Variants in CLSTN2 observed in about 807,000 individuals in gnomAD.
The protein encoded by CLSTN2 is calsyntenin-2.
CLSTN2 carries 48 observed loss-of-function variants against 101.2 expected under a neutral mutation model. The ratio of observed to expected loss-of-function variants is 0.47; its 90% CI spans 0.38 to 0.60. The LOEUF is 0.60. Ranked by LOEUF, CLSTN2 falls within the 20% of genes least tolerant of loss-of-function variation. CLSTN2 has a pLI of 0.00. For missense variants in CLSTN2, 1,160 were observed against 1,238.2 expected, an observed-to-expected ratio of 0.94 and a Z score of 0.95; for synonymous variants, 481 against 463.6, an observed-to-expected ratio of 1.04 and a Z score of -0.48.
chr3:140,264,497 G>A (rs1465615337), intron 2 of CLSTN2, among the ~76,000 whole-genome samples: 5 of 143,360 alleles, frequency 3.5e-5, no homozygotes, highest in Admixed American at 7.2e-5. Flanking sequence ...TATAATGATC[G>A]GTTGACAAAA....
intron 1 of CLSTN2, among the ~76,000 whole-genome samples, chr3:140,003,765 T>A (rs2006896494): frequency 1.3e-5 from 2 of 152,230 alleles, no homozygotes; most frequent in Admixed American, 6.5e-5. Flanking sequence ...AAATACTTTT[T>A]TAGCATCAAT....
At chr3:140,433,727 C>G (rs2088660663) in intron 5 of CLSTN2, among the ~76,000 whole-genome samples, 2 of 152,166 alleles carry the variant, frequency 1.3e-5, no homozygotes, top group African/African-American at 4.8e-5. Flanking sequence ...TGTCACAAGG[C>G]AGAACTGTGT....
intron 1 of CLSTN2, among the ~76,000 whole-genome samples, chr3:140,121,610 G>C (rs2009342364): frequency 6.6e-6 from 1 of 152,202 alleles, no homozygotes; most frequent in South Asian, 2.1e-4. Context: ...TCAAGTCCCA[G>C]AAACAAGGAC....
Position 140,241,846 on chromosome 3 carries a change from T to C in CLSTN2, c.232+65773T>C, listed in dbSNP as rs1220199796. On this transcript the variant is annotated intron_variant, in intron 2 of 16. Transcript: ENST00000458420. ...ATATACACACACATATATATATACATATATATATACACATATATATACACA... is the reference window on the plus strand; with the variant it reads ...ATATACACACACATATATATATACACATATATATACACATATATATACACA... Among the ~76,000 whole-genome samples, 14 of 143,394 alleles carry C rather than the reference T, an allele frequency of 9.8e-5. No individual in the cohort carries two copies. The East Asian group carries it at 2.0e-3, about 20-fold the overall frequency. The allele number at this position is 143,394 out of a possible 152,430, so 94.1% of individuals were successfully genotyped here.
At chr3:140,513,300 G>A (rs915420568) in intron 8 of CLSTN2, among the ~76,000 whole-genome samples, 10 of 152,120 alleles carry the variant, frequency 6.6e-5, no homozygotes, top group African/African-American at 2.4e-4. Flanking sequence ...CTAGTTTATT[G>A]AGAGTTTTTA....
At chr3:140,014,375 T>C (rs896523057) in intron 1 of CLSTN2, among the ~76,000 whole-genome samples, 22 of 152,134 alleles carry the variant, frequency 1.4e-4, no homozygotes, top group South Asian at 6.2e-4. Context: ...CATGCTACCA[T>C]GCCTGGCAAA....
intron 8 of CLSTN2, among the ~76,000 whole-genome samples, chr3:140,491,699 A>G (rs556189147): frequency 1.1e-3 from 164 of 152,180 alleles, no homozygotes; most frequent in African/African-American, 3.9e-3. Context: ...CTACACATCT[A>G]TAGTCCCAGC....
intron 8 of CLSTN2, chr3:140,506,186 A>AAATT (rs1367232325): frequency 6.6e-6 from 1 of 152,130 alleles, no homozygotes; most frequent in Non-Finnish European, 1.5e-5. Context: ...ATGAAAGGAG[A>AAATT]AATTAAGCAT....
At chr3:140,271,370 G>A (rs958152066) in intron 2 of CLSTN2, among the ~76,000 whole-genome samples, 96 of 152,278 alleles carry the variant, frequency 6.3e-4, no homozygotes, top group African/African-American at 2.3e-3. Flanking sequence ...CTGTTTAGCT[G>A]TTATAACAAT....
chr3:140,110,715 AGG>A (rs149789534), intron 1 of CLSTN2, among the ~76,000 whole-genome samples: 8,543 of 152,244 alleles, frequency 0.056, 286 homozygotes, highest in East Asian at 0.075. Context: ...CAGGTAGGGA[AGG>A]GCTTGCTTTT....
chr3:139,989,846 C>A (rs1463307839), intron 1 of CLSTN2, among the ~76,000 whole-genome samples: 1 of 152,178 alleles, frequency 6.6e-6, no homozygotes, highest in East Asian at 1.9e-4. Flanking sequence ...TTCACAGCAA[C>A]AATGCAATCT....
rs146707011 is a variant in CLSTN2, at chr3:140,531,052, A to G, written c.1345-1272A>G. Among the ~76,000 whole-genome samples the G allele has an allele frequency of 3.3e-3, 501 of 152,164 alleles. 4 individuals are homozygous for G. The highest frequency in any genetic ancestry group is 0.011 in the African/African-American group (461 of 41,516). ...TCAGGTCTGCCTGTGTGCCACCTGT[A>G]TGTCTTGGGGTCACCCCACCCCAAT... On this transcript the variant is annotated intron_variant, in intron 8 of 16. Coordinates refer to ENST00000458420, the MANE Select transcript of CLSTN2 (RefSeq NM_022131.3).
intron 1 of CLSTN2, among the ~76,000 whole-genome samples, chr3:140,162,776 G>T (rs2010069144): frequency 6.6e-6 from 1 of 152,158 alleles, no homozygotes; most frequent in South Asian, 2.1e-4. Context: ...GCATGGAGAA[G>T]CAGGCAAGCA....
At chr3:140,385,357 CTTTTTTTTTTTTTTTTT>C (rs546696189) in intron 2 of CLSTN2, among the ~76,000 whole-genome samples, 1 of 72,838 alleles carries the variant, frequency 1.4e-5, no homozygotes, top group South Asian at 5.6e-4. Context: ...CCCTGATGTT[CTTTTTTTTTTTTTTTTT>C]TTTTTTTTTT....
chr3:140,254,766 C>G (rs2086591360), intron 2 of CLSTN2, among the ~76,000 whole-genome samples: 1 of 152,058 alleles, frequency 6.6e-6, no homozygotes, highest in South Asian at 2.1e-4. Context: ...GACCTCAGTC[C>G]TGGAAAAATT....
At chr3:140,414,157 C>T (rs1462998786) in intron 4 of CLSTN2, among the ~76,000 whole-genome samples, 1 of 151,924 alleles carries the variant, frequency 6.6e-6, no homozygotes, top group African/African-American at 2.4e-5. Context: ...CCCAAAGACC[C>T]CACCAAAGAC....
intron 1 of CLSTN2, among the ~76,000 whole-genome samples, chr3:140,090,676 T>C (rs2008763672): frequency 6.6e-6 from 1 of 151,288 alleles, no homozygotes; most frequent in African/African-American, 2.4e-5. Flanking sequence ...ATGGGAAGAG[T>C]GGGCTACACC....
chr3:140,351,834 A>G (rs1267652191), intron 2 of CLSTN2, among the ~76,000 whole-genome samples: 2 of 151,930 alleles, frequency 1.3e-5, no homozygotes, highest in Non-Finnish European at 2.9e-5. Context: ...ATGAAACAGC[A>G]AGTGCAAAGG....
At chr3:140,171,867 C>A (rs1388779488) in intron 1 of CLSTN2, among the ~76,000 whole-genome samples, 44 of 109,272 alleles carry the variant, frequency 4.0e-4, no homozygotes, top group Non-Finnish European at 6.8e-4. Context: ...TATATAATAA[C>A]AATATATAAT....
Sources: gnomAD v4.1 joint callset for allele counts (sites outside exome capture counted in the v4.1 genomes callset) on GRCh38, gnomAD v4.1.1 for gene constraint, MANE v1.5 for transcripts, NCBI Gene and HGNC (gene_info 2026-07-23, HGNC 2026-07-21) for gene names.